Variants in SLC6A13 observed in about 807,000 individuals in gnomAD.
The protein encoded by SLC6A13 is sodium- and chloride-dependent GABA transporter 2.
Under a neutral mutation model 72.9 loss-of-function variants are expected in SLC6A13, and 69 were observed. That is an observed-to-expected ratio of 0.95 (90% CI 0.78 to 1.16). The LOEUF (loss-of-function observed/expected upper bound fraction) is 1.16. Among genes scored for constraint, SLC6A13 ranks in the 50% most tolerant of loss-of-function variants. The probability of loss-of-function intolerance (pLI) is 0.00; values close to 1 mark genes in which losing one functional copy is unlikely to be tolerated. For synonymous variants in SLC6A13, 303 were observed against 303.0 expected (o/e 1.00, Z 0.00); for missense variants, 735 against 760.5 (o/e 0.97, Z 0.39).
At chr12:250,399 C>T (rs1220679423) in intron 2 of SLC6A13, among the ~76,000 whole-genome samples, 1 of 144,484 alleles carries the variant, frequency 6.9e-6, no homozygotes, top group Non-Finnish European at 1.5e-5. Flanking sequence ...CTTTGGAATG[C>T]ACACAAAAAA....
chr12:261,333 A>G (rs1209644221), intron 1 of SLC6A13, among the ~76,000 whole-genome samples: 1 of 152,224 alleles, frequency 6.6e-6, no homozygotes, highest in African/African-American at 2.4e-5. Flanking sequence ...GAGGTTAAAT[A>G]ATGTGACTGC....
At chr12:247,203 A>G (rs964456294) in intron 2 of SLC6A13, among the ~76,000 whole-genome samples, 2 of 151,966 alleles carry the variant, frequency 1.3e-5, no homozygotes, top group East Asian at 3.8e-4. Flanking sequence ...TGAAAACTAT[A>G]AACCTATAGA....
chr12:230,705 C>T (rs1339900142), intron 7 of SLC6A13, among the ~76,000 whole-genome samples: 1 of 152,178 alleles, frequency 6.6e-6, no homozygotes, highest in African/African-American at 2.4e-5. Context: ...CACGCTCCCC[C>T]ACATGCTGGT....
chr12:234,991 G>A (rs901659963), intron 7 of SLC6A13, 99 bp downstream of exon 7: 3 of 1,375,148 alleles, frequency 2.2e-6, no homozygotes, highest in South Asian at 1.2e-5. Context: ...ACACCCTAGG[G>A]TAGTGCTAGG....
chr12:241,111 C>T (rs1330553738), intron 4 of SLC6A13, among the ~76,000 whole-genome samples: 1 of 152,016 alleles, frequency 6.6e-6, no homozygotes, highest in Non-Finnish European at 1.5e-5. Context: ...CAAGACCAGC[C>T]TGGCCAAAAT....
rs369624972 is a variant in SLC6A13 at position 222,607 on chromosome 12, G to C, written c.1440C>G (p.Ile480Met). Residue 480 changes from isoleucine to methionine, a missense_variant, in exon 13 of 15, where the codon ATC becomes ATG. Physicochemically the swap from Ile to Met is conservative, Grantham distance 10. Transcript: ENST00000343164. The stretch of plus-strand genomic sequence containing the variant: ...ATGGCCTGTACCCAATCATGTCTTC[G>C]ATGTTGTCGTAGAAGCGCTTGGCTC... ...VYGAKRFYDN[I>M]EDMIGYRPWP... 21 of 1,609,122 alleles carry C rather than the reference G, an allele frequency of 1.3e-5. No individual in the cohort carries two copies. Among genetic ancestry groups the C allele is most frequent in the Non-Finnish European group, 1.7e-5 (20 of 1,177,284 alleles).
chr12:240,794 T>C (rs1301691562), intron 4 of SLC6A13, among the ~76,000 whole-genome samples: 1 of 152,086 alleles, frequency 6.6e-6, no homozygotes, highest in East Asian at 1.9e-4. Context: ...TACTTTCCCT[T>C]TGAAAAATAA....
chr12:233,512 G>A (rs1232681130), intron 7 of SLC6A13, among the ~76,000 whole-genome samples: 1 of 152,192 alleles, frequency 6.6e-6, no homozygotes, highest in Admixed American at 6.5e-5. Context: ...CAACTGACAG[G>A]GAAACTTAAC....
chr12:233,571 TG>T (rs1342903670), intron 7 of SLC6A13, among the ~76,000 whole-genome samples: 1 of 151,936 alleles, frequency 6.6e-6, no homozygotes, highest in Non-Finnish European at 1.5e-5. Flanking sequence ...GGCCTAGACA[TG>T]GGTCACATGG....
chr12:253,818 G>A (rs1942642651), intron 2 of SLC6A13: 1 of 152,404 alleles, frequency 6.6e-6, no homozygotes, highest in Non-Finnish European at 1.5e-5. Context: ...GCAAAAGATG[G>A]TCTCCAGCTG....
At chr12:228,767 C>A (rs1426964180) in intron 7 of SLC6A13, among the ~76,000 whole-genome samples, 1 of 152,194 alleles carries the variant, frequency 6.6e-6, no homozygotes, top group South Asian at 2.1e-4. Flanking sequence ...CCTGAGGGAT[C>A]CATCAGCAGG....
At chr12:244,792 A>G (rs1416341410) in intron 2 of SLC6A13, among the ~76,000 whole-genome samples, 1 of 152,194 alleles carries the variant, frequency 6.6e-6, no homozygotes, top group Non-Finnish European at 1.5e-5. Flanking sequence ...GGCCCTCACC[A>G]GAGGTGGACT....
At chr12:229,762 G>T (rs1163803618) in intron 7 of SLC6A13, among the ~76,000 whole-genome samples, 1 of 152,180 alleles carries the variant, frequency 6.6e-6, no homozygotes, top group African/African-American at 2.4e-5. Flanking sequence ...AATTACCAAG[G>T]AAACACGCCG....
At position 254,981 on chromosome 12, in the gene SLC6A13, T is replaced by C. The variant is rs1037192659; in HGVS notation, c.202+4870A>G. Among the ~76,000 whole-genome samples, 13 of 151,558 alleles carry C rather than the reference T, an allele frequency of 8.6e-5. No homozygotes were observed. The highest frequency in any genetic ancestry group is 2.9e-4 in the African/African-American group (12 of 41,202). On this transcript the variant is annotated intron_variant, in intron 2 of 14. Coordinates refer to ENST00000343164, the MANE Select transcript of SLC6A13 (RefSeq NM_016615.5). The surrounding 1 kb of genome is among the most constrained non-coding windows in gnomAD (Gnocchi z 4.4). Reference sequence around the variant, plus strand: ...GGCCAACATGGCGAAACCCCCTCTCTATTAAAAACAACAACAACAACAAAA... The same window carrying C: ...GGCCAACATGGCGAAACCCCCTCTCCATTAAAAACAACAACAACAACAAAA...
intron 2 of SLC6A13, among the ~76,000 whole-genome samples, chr12:247,299 G>A (rs150538323): frequency 3.9e-4 from 59 of 151,306 alleles, no homozygotes; most frequent in Admixed American, 1.5e-3. Flanking sequence ...TACTTAAACC[G>A]GAATATGGAG....
At chr12:226,754 T>G in intron 8 of SLC6A13, 1 of 409,242 alleles carries the variant, frequency 2.4e-6, no homozygotes, top group Non-Finnish European at 4.4e-6. Flanking sequence ...CCTAAAAGAA[T>G]GCGGCTCCAG....
At position 235,099 on chromosome 12, in the gene SLC6A13, C is replaced by A; in HGVS notation, c.822G>T (p.Trp274Cys). The part of the protein sequence containing the change: ...FYLYPNLTRL[W>C]DPQVWMDAGT... ...GTCTGTGGCTTCTTACCTGGGGATCCCACAGACGCGTGAGGTTTGGGTACA... is the reference window on the plus strand; with the variant it reads ...GTCTGTGGCTTCTTACCTGGGGATCACACAGACGCGTGAGGTTTGGGTACA... Residue 274 changes from tryptophan (W) to cysteine (C), a missense_variant, in exon 7 of 15, where the codon TGG (tryptophan) becomes TGT (cysteine). Coordinates refer to ENST00000343164, the MANE Select transcript of SLC6A13 (RefSeq NM_016615.5). 6.2e-7 allele frequency: 1 copy of A among 1,614,186 alleles called. No homozygotes were observed.
intron 7 of SLC6A13, among the ~76,000 whole-genome samples, chr12:228,571 C>T (rs1941571108): frequency 6.6e-6 from 1 of 152,192 alleles, no homozygotes; most frequent in Non-Finnish European, 1.5e-5. Flanking sequence ...CAGGCCCCTG[C>T]TTTCCACAAA....
chr12:224,424 C>G lies in SLC6A13; in HGVS notation c.1150G>C (p.Val384Leu). 6.2e-7 allele frequency: 1 copy of G among 1,614,032 alleles called. No individual in the cohort carries two copies. Among genetic ancestry groups the G allele is most frequent in the Non-Finnish European group, 8.5e-7 (1 of 1,179,924 alleles). Residue 384 changes from valine (V) to leucine (L), a missense_variant, in exon 10 of 15, where the codon GTT (valine) becomes CTT (leucine). Val to Leu is a conservative substitution (Grantham distance 32). Transcript: ENST00000343164. ...LWACCFFFMV[V>L]LLGLDSQFVC... The stretch of plus-strand genomic sequence containing the variant: ...ACCTGGCTATCCAGTCCCAGGAGAA[C>G]GACCATGAAGAAGAAACAGCAGGCC...
Sources: allele counts gnomAD v4.1 joint callset (sites outside exome capture counted in the v4.1 genomes callset), GRCh38; gene constraint gnomAD v4.1.1; non-coding constraint Gnocchi (gnomAD v3.1); transcripts MANE v1.5; gene names NCBI Gene and HGNC (gene_info 2026-07-23, HGNC 2026-07-21).